The following GALNT17 variants were observed in gnomAD, a reference collection of about 807,000 sequenced individuals.
GALNT17 encodes UDP-GalNAc:polypeptide N-acetylgalactosaminyltransferase-like 3.
GALNT17 carries 29 observed loss-of-function variants against 63.7 expected under a neutral mutation model. That is an observed-to-expected ratio of 0.46 (90% CI 0.34 to 0.62). The LOEUF is 0.62. Among genes scored for constraint, GALNT17 ranks in the 20% least tolerant of loss-of-function variants. The pLI, the probability that GALNT17 is intolerant of heterozygous loss-of-function variation, is 0.01. For missense variants in GALNT17, 603 were observed against 799.6 expected, an observed-to-expected ratio of 0.75 and a Z score of 2.97; for synonymous variants, 305 against 318.3, an observed-to-expected ratio of 0.96 and a Z score of 0.45.
chr7:71,205,431 C>T (rs1444679683), intron 1 of GALNT17, among the ~76,000 whole-genome samples: 1 of 152,084 alleles, frequency 6.6e-6, no homozygotes, highest in Non-Finnish European at 1.5e-5. Flanking sequence ...GGATTACAGA[C>T]ATGAGCCACC....
rs192635429 is a variant in GALNT17, at chr7:71,398,286, T to C, written c.589+9885T>C. Among the ~76,000 whole-genome samples, 38 of 152,256 alleles carry C rather than the reference T, an allele frequency of 2.5e-4. No homozygotes were observed. The East Asian group carries it at 6.0e-3, about 24-fold the overall frequency. On this transcript the variant is annotated intron_variant, in intron 3 of 10. Transcript: ENST00000333538. ...TCCTAAATTGAACCTCTAATTTTCT[T>C]ATTTTTCTCTGCTATCTTATCTTTC...
intron 5 of GALNT17, among the ~76,000 whole-genome samples, chr7:71,463,838 G>A (rs769888519): frequency 8.5e-5 from 13 of 152,160 alleles, no homozygotes; most frequent in Non-Finnish European, 1.5e-4. Flanking sequence ...ACAACCAGAC[G>A]TCACTTTCAT....
At chr7:71,248,053 C>CA in intron 1 of GALNT17, among the ~76,000 whole-genome samples, 1 of 152,210 alleles carries the variant, frequency 6.6e-6, no homozygotes, top group East Asian at 1.9e-4. Context: ...AGACCCAAGA[C>CA]TGGGTAATTT....
chr7:71,546,080 C>T (rs1198946724), intron 5 of GALNT17, among the ~76,000 whole-genome samples: 5 of 151,702 alleles, frequency 3.3e-5, no homozygotes, highest in Admixed American at 6.6e-5. Flanking sequence ...GGTAACATAG[C>T]AAGACCCTGT....
At chr7:71,380,562 C>A (rs1439192906) in intron 2 of GALNT17, among the ~76,000 whole-genome samples, 1 of 152,034 alleles carries the variant, frequency 6.6e-6, no homozygotes, top group Non-Finnish European at 1.5e-5. Flanking sequence ...CCTCAACAAT[C>A]CTCCTGCTTC....
chr7:71,192,114 G>A (rs906880348), intron 1 of GALNT17, among the ~76,000 whole-genome samples: 2 of 152,150 alleles, frequency 1.3e-5, no homozygotes, highest in Non-Finnish European at 2.9e-5. Flanking sequence ...TGATGTTCGA[G>A]GTCAGGAAGC....
At chr7:71,669,531 C>T (rs1791035290) in intron 7 of GALNT17, among the ~76,000 whole-genome samples, 1 of 151,222 alleles carries the variant, frequency 6.6e-6, no homozygotes, top group Non-Finnish European at 1.5e-5. Flanking sequence ...AACAAACACC[C>T]TTCTGAATAA....
chr7:71,698,013 C>G (rs978311762), intron 9 of GALNT17, among the ~76,000 whole-genome samples: 4 of 151,378 alleles, frequency 2.6e-5, no homozygotes, highest in African/African-American at 7.3e-5. Context: ...ATCCCAGCTA[C>G]TCAGGAGGCT....
At chr7:71,171,929 G>A (rs895997219) in intron 1 of GALNT17, among the ~76,000 whole-genome samples, 2 of 152,166 alleles carry the variant, frequency 1.3e-5, no homozygotes, top group African/African-American at 4.8e-5. Flanking sequence ...TCCGTCGTTT[G>A]AGATTTACTT....
chr7:71,201,247 A>G (rs564539694), intron 1 of GALNT17, among the ~76,000 whole-genome samples: 1 of 148,960 alleles, frequency 6.7e-6, no homozygotes, highest in African/African-American at 2.5e-5. Flanking sequence ...ATTTTTATAT[A>G]TATATATATA....
chr7:71,565,903 G>A (rs1322523382), intron 5 of GALNT17, among the ~76,000 whole-genome samples: 2 of 149,910 alleles, frequency 1.3e-5, no homozygotes, highest in East Asian at 2.0e-4. Context: ...GAGTGCAGTG[G>A]TGTGATCTCG....
intron 5 of GALNT17, among the ~76,000 whole-genome samples, chr7:71,522,726 G>C (rs924793134): frequency 6.6e-6 from 1 of 152,144 alleles, no homozygotes; most frequent in Non-Finnish European, 1.5e-5. Flanking sequence ...GCAAGGCTTG[G>C]TTTTCAAGCC....
chr7:71,322,185 C>T (rs928796002), intron 1 of GALNT17, among the ~76,000 whole-genome samples: 6 of 151,874 alleles, frequency 4.0e-5, no homozygotes, highest in Non-Finnish European at 5.9e-5. Flanking sequence ...AACTTCTAGC[C>T]TCAAGCAGTC....
At chr7:71,425,352 A>G (rs558104920) in intron 5 of GALNT17, among the ~76,000 whole-genome samples, 207 of 152,030 alleles carry the variant, frequency 1.4e-3, no homozygotes, top group African/African-American at 4.7e-3. Context: ...CCTCCTGAGT[A>G]TCTGCGACTA....
At chr7:71,515,429 A>G (rs1468636231) in intron 5 of GALNT17, among the ~76,000 whole-genome samples, 1 of 152,216 alleles carries the variant, frequency 6.6e-6, no homozygotes, top group Non-Finnish European at 1.5e-5. Context: ...AACAAGCTAC[A>G]TCACCTAAGT....
intron 1 of GALNT17, among the ~76,000 whole-genome samples, chr7:71,167,376 T>C (rs1192003480): frequency 6.6e-6 from 1 of 152,180 alleles, no homozygotes; most frequent in Non-Finnish European, 1.5e-5. Flanking sequence ...ATGTGTTTAT[T>C]TGTCATTTGT....
intron 6 of GALNT17, among the ~76,000 whole-genome samples, chr7:71,576,125 G>A (rs1789533598): frequency 6.6e-6 from 1 of 152,148 alleles, no homozygotes; most frequent in Non-Finnish European, 1.5e-5. Context: ...CATTTACGAA[G>A]AAAAGGCATT....
intron 1 of GALNT17, among the ~76,000 whole-genome samples, chr7:71,308,286 G>A (rs1048711410): frequency 6.6e-6 from 1 of 152,036 alleles, no homozygotes; most frequent in Non-Finnish European, 1.5e-5. Flanking sequence ...TGCCAGTGCC[G>A]GGACCAAGGC....
At chr7:71,282,335 C>T (rs1790792685) in intron 1 of GALNT17, among the ~76,000 whole-genome samples, 1 of 152,146 alleles carries the variant, frequency 6.6e-6, no homozygotes, top group Non-Finnish European at 1.5e-5. Context: ...ACCTTTTAGC[C>T]TGGTGGGAGA....
Sources: allele counts gnomAD v4.1 joint callset (sites outside exome capture counted in the v4.1 genomes callset), GRCh38; gene constraint gnomAD v4.1.1; transcripts MANE v1.5; gene names NCBI Gene and HGNC (gene_info 2026-07-23, HGNC 2026-07-21).